Variants in FYB1 observed in about 807,000 individuals in gnomAD.
FYB1 encodes FYN binding protein 1, also known as FYN-binding protein 1.
FYB1 carries 41 observed loss-of-function variants against 94.1 expected under a neutral mutation model. The ratio of observed to expected loss-of-function variants is 0.44; its 90% CI spans 0.34 to 0.57. The LOEUF is 0.57. Among genes scored for constraint, FYB1 ranks in the 20% least tolerant of loss-of-function variants. The probability of loss-of-function intolerance (pLI) is 0.02; values close to 1 mark genes in which losing one functional copy is unlikely to be tolerated. For synonymous variants in FYB1, 367 were observed against 353.2 expected (o/e 1.04, Z -0.44); for missense variants, 1,050 against 976.8 (o/e 1.07, Z -1.00).
intron 2 of FYB1, among the ~76,000 whole-genome samples, chr5:39,177,435 TG>T (rs1310262804): frequency 6.6e-6 from 1 of 152,140 alleles, no homozygotes; most frequent in Non-Finnish European, 1.5e-5. Flanking sequence ...AATGAGAAGG[TG>T]GTCAAAGAAG....
At chr5:39,111,382 G>A (rs1739065062) in intron 16 of FYB1, among the ~76,000 whole-genome samples, 1 of 151,782 alleles carries the variant, frequency 6.6e-6, no homozygotes, top group Admixed American at 6.6e-5. Context: ...CAAAGCAAAT[G>A]TGTTACAAAT....
intron 1 of FYB1, chr5:39,250,547 T>C (rs1189562960): frequency 6.6e-6 from 1 of 152,184 alleles, no homozygotes; most frequent in South Asian, 2.1e-4. Flanking sequence ...AACCTCCTTT[T>C]TTGAGTAGTA....
chr5:39,254,946 G>T (rs1751869518), intron 1 of FYB1, among the ~76,000 whole-genome samples: 1 of 152,166 alleles, frequency 6.6e-6, no homozygotes, highest in South Asian at 2.1e-4. Flanking sequence ...CAAAAGCACA[G>T]CTGTAAAAGG....
chr5:39,115,260 A>G (rs967233959), intron 16 of FYB1, among the ~76,000 whole-genome samples: 6 of 151,866 alleles, frequency 4.0e-5, no homozygotes, highest in Non-Finnish European at 8.8e-5. Flanking sequence ...ATACCTAGCT[A>G]ATTTTTGTAT....
rs7719631 is a variant in FYB1, at chr5:39,194,229, A to G, written c.1135+7597T>C. On this transcript the variant is annotated intron_variant, in intron 2 of 18. Transcript: ENST00000512982. Reference sequence around the variant, plus strand: ...AAGACCATGTAGACTGCTTATAAAAATGAAACATTAGCTGGGTGCAGTGGC... The same window carrying G: ...AAGACCATGTAGACTGCTTATAAAAGTGAAACATTAGCTGGGTGCAGTGGC... Among the ~76,000 whole-genome samples, 839 of 152,302 alleles carry G rather than the reference A, an allele frequency of 5.5e-3. 12 individuals are homozygous for G. The highest frequency in any genetic ancestry group is 0.019 in the African/African-American group (785 of 41,566).
At position 39,199,070 on chromosome 5, in the gene FYB1, A is replaced by T. The variant is rs185286047; in HGVS notation, c.1135+2756T>A. On this transcript the variant is annotated intron_variant, in intron 2 of 18. Coordinates refer to ENST00000512982, the MANE Select transcript of FYB1 (RefSeq NM_001465.6). ...ATTTTCCCATCTAAAGACTGTACGT[A>T]CAATATACCACATGTTTATGTATAC... Among the ~76,000 whole-genome samples the T allele has an allele frequency of 5.6e-3, 854 of 151,914 alleles. 4 individuals carry two copies. Among genetic ancestry groups the T allele is most frequent in the Admixed American group, 0.011 (170 of 15,258 alleles).
At chr5:39,214,164 G>A (rs1749660327) in intron 1 of FYB1, among the ~76,000 whole-genome samples, 1 of 152,126 alleles carries the variant, frequency 6.6e-6, no homozygotes, top group African/African-American at 2.4e-5. Context: ...TTTTCTTTTA[G>A]TTAAAAATGT....
intron 7 of FYB1, 127 bp downstream of exon 7, chr5:39,137,473 A>G (rs1741770346): frequency 9.2e-7 from 1 of 1,090,956 alleles, no homozygotes; most frequent in Non-Finnish European, 1.3e-6. Flanking sequence ...TTATGAAGAT[A>G]ATTACTCTTT....
Position 39,151,053 on chromosome 5 carries a change from T to C in FYB1, c.1292+2395A>G, listed in dbSNP as rs76760198. Among the ~76,000 whole-genome samples the C allele has an allele frequency of 2.9e-3, 441 of 152,314 alleles. 2 individuals are homozygous for C. The highest frequency in any genetic ancestry group is 0.01 in the African/African-American group (433 of 41,576). On this transcript the variant is annotated intron_variant, in intron 3 of 18. Transcript: ENST00000512982. ...TCCCTTGCTCTCTCTACCTGCGCTC[T>C]GTGCCTAGAACAGTCTTCCTTCATG...
In FYB1 at chr5:39,235,167, G is replaced by A. The variant is rs189335729; in HGVS notation, c.-27-32180C>T. Among the ~76,000 whole-genome samples the A allele has an allele frequency of 3.6e-3, 552 of 152,068 alleles. 3 individuals are homozygous for A. The highest frequency in any genetic ancestry group is 0.014 in the Middle Eastern group (4 of 292). ...AAAAAAGGTCAGTGTAGCTTGCGGG[G>A]TAGTGGAATTGTTTCCTGTTCACAC... On this transcript the variant is annotated intron_variant, in intron 1 of 1. Transcript: ENST00000510188.
chr5:39,242,464 T>A (rs1017787604), intron 1 of FYB1, among the ~76,000 whole-genome samples: 1 of 152,164 alleles, frequency 6.6e-6, no homozygotes, highest in Non-Finnish European at 1.5e-5. Flanking sequence ...ACAAAGGACA[T>A]GAACTCATCC....
intron 14 of FYB1, among the ~76,000 whole-genome samples, chr5:39,121,001 T>C (rs1740042450): frequency 6.6e-6 from 1 of 151,994 alleles, no homozygotes; most frequent in Non-Finnish European, 1.5e-5. Flanking sequence ...AAAAATAGAA[T>C]ACGACATTAG....
chr5:39,143,420 C>T (rs1230144375), intron 3 of FYB1, among the ~76,000 whole-genome samples: 1 of 146,634 alleles, frequency 6.8e-6, no homozygotes, highest in Non-Finnish European at 1.5e-5. Context: ...TCTCGTCTCT[C>T]CCGCTAGACA....
At chr5:39,195,113 T>C (rs796348177) in intron 2 of FYB1, among the ~76,000 whole-genome samples, 1 of 152,278 alleles carries the variant, frequency 6.6e-6, no homozygotes, top group African/African-American at 2.4e-5. Context: ...CCTGTAATAG[T>C]CCAGTCTGTG....
chr5:39,225,581 T>G (rs1479628963), intron 1 of FYB1, among the ~76,000 whole-genome samples: 1 of 152,258 alleles, frequency 6.6e-6, no homozygotes, highest in Admixed American at 6.5e-5. Context: ...GAATTGTTTT[T>G]TATTCAAATA....
intron 1 of FYB1, among the ~76,000 whole-genome samples, chr5:39,228,321 A>T (rs1010016218): frequency 2.0e-5 from 3 of 152,198 alleles, no homozygotes; most frequent in Admixed American, 6.5e-5. Context: ...TTCTTTTCGT[A>T]TTAGAAAGAC....
intron 1 of FYB1, among the ~76,000 whole-genome samples, chr5:39,237,045 A>G (rs1264899859): frequency 6.6e-6 from 1 of 152,128 alleles, no homozygotes; most frequent in African/African-American, 2.4e-5. Context: ...ATTTAATTTG[A>G]ACAGAGGTTG....
At chr5:39,244,074 A>G (rs1285065040) in intron 1 of FYB1, among the ~76,000 whole-genome samples, 3 of 152,286 alleles carry the variant, frequency 2.0e-5, no homozygotes, top group East Asian at 3.9e-4. Flanking sequence ...ATATACAATC[A>G]TGTCATCTGC....
chr5:39,233,509 T>A (rs1279132262), intron 1 of FYB1, among the ~76,000 whole-genome samples: 3 of 152,188 alleles, frequency 2.0e-5, no homozygotes, highest in Non-Finnish European at 2.9e-5. Context: ...AATGCTTTTG[T>A]TAACGTTGGT....
Sources: allele counts gnomAD v4.1 joint callset (sites outside exome capture counted in the v4.1 genomes callset), GRCh38; gene constraint gnomAD v4.1.1; transcripts MANE v1.5; gene names NCBI Gene and HGNC (gene_info 2026-07-23, HGNC 2026-07-21).